RALGPS2: variants seen among roughly 807,000 people sequenced by gnomAD.
The protein encoded by RALGPS2 is Ral GEF with PH domain and SH3 binding motif 2.
In RALGPS2, 43 loss-of-function variants were observed where a neutral mutation model predicts 86.8. The observed-to-expected ratio is 0.50, with a 90% CI of 0.39 to 0.64. The LOEUF (loss-of-function observed/expected upper bound fraction) is 0.64, where lower values mean the gene tolerates loss of function less well. Ranked by LOEUF, RALGPS2 falls within the 30% of genes least tolerant of loss-of-function variation. The probability of loss-of-function intolerance (pLI) is 0.00; values close to 1 mark genes in which losing one functional copy is unlikely to be tolerated. For missense variants in RALGPS2, 536 were observed against 694.6 expected, an observed-to-expected ratio of 0.77 and a Z score of 2.57; for synonymous variants, 243 against 231.3, an observed-to-expected ratio of 1.05 and a Z score of -0.46.
chr1:178,781,590 C>T (rs1653398683), intron 2 of RALGPS2, among the ~76,000 whole-genome samples: 1 of 152,196 alleles, frequency 6.6e-6, no homozygotes, highest in East Asian at 1.9e-4. Flanking sequence ...ATTTTTAAGC[C>T]TCTAATGGCC....
chr1:178,858,142 A>G (rs1178957922), intron 8 of RALGPS2, among the ~76,000 whole-genome samples: 1 of 152,132 alleles, frequency 6.6e-6, no homozygotes, highest in Non-Finnish European at 1.5e-5. Context: ...TTTTCTCCTC[A>G]GTAAAGATAT....
intron 6 of RALGPS2, among the ~76,000 whole-genome samples, chr1:178,811,698 T>C (rs1324195416): frequency 6.6e-6 from 1 of 152,190 alleles, no homozygotes; most frequent in Non-Finnish European, 1.5e-5. Context: ...ATGATATTTA[T>C]AAAATATTGG....
intron 18 of RALGPS2, among the ~76,000 whole-genome samples, chr1:178,905,940 G>A (rs986891664): frequency 3.9e-5 from 6 of 152,090 alleles, no homozygotes; most frequent in Admixed American, 1.3e-4. Context: ...TAATAATATT[G>A]ACAAATATCT....
intron 6 of RALGPS2, 72 bp from the exon 7 acceptor site, chr1:178,821,540 G>A: frequency 1.1e-5 from 13 of 1,145,962 alleles, no homozygotes. Context: ...GATTGTACTT[G>A]TTAGTCTAAA....
intron 17 of RALGPS2, 44 bp from the exon 18 acceptor site, chr1:178,902,062 A>C: frequency 6.9e-7 from 1 of 1,442,808 alleles, no homozygotes; most frequent in South Asian, 1.2e-5. Context: ...GCTAGAATAA[A>C]CCATAAATTT....
intron 7 of RALGPS2, among the ~76,000 whole-genome samples, chr1:178,831,451 A>G (rs912595923): frequency 6.6e-6 from 1 of 152,074 alleles, no homozygotes; most frequent in Non-Finnish European, 1.5e-5. Context: ...TTTTCCCCCA[A>G]AACAGATTGT....
chr1:178,912,698 A>G (rs1259028394), intron 19 of RALGPS2, among the ~76,000 whole-genome samples: 1 of 151,996 alleles, frequency 6.6e-6, no homozygotes, highest in African/African-American at 2.4e-5. Flanking sequence ...GGGAGTCTGA[A>G]TTTCTTGAGT....
chr1:178,833,315 A>C, intron 7 of RALGPS2, 109 bp from the exon 8 acceptor site: 1 of 1,041,098 alleles, frequency 9.6e-7, no homozygotes, highest in Non-Finnish European at 1.3e-6. Flanking sequence ...AAGAAGATAT[A>C]ACTTTGAAAT....
chr1:178,907,576 T>TA (rs2102413885), intron 19 of RALGPS2, among the ~76,000 whole-genome samples: 1 of 152,286 alleles, frequency 6.6e-6, no homozygotes, highest in African/African-American at 2.4e-5. Context: ...GTTGCACAGT[T>TA]AGAGTTGAAC....
intron 6 of RALGPS2, among the ~76,000 whole-genome samples, chr1:178,812,208 G>A (rs539900652): frequency 6.6e-6 from 1 of 152,194 alleles, no homozygotes; most frequent in South Asian, 2.1e-4. Flanking sequence ...GGGGGAGGGG[G>A]TACATAAGAG....
chr1:178,728,790 G>A (rs1359294716), intron 1 of RALGPS2, among the ~76,000 whole-genome samples: 1 of 151,912 alleles, frequency 6.6e-6, no homozygotes, highest in Non-Finnish European at 1.5e-5. Flanking sequence ...ATCTTTTTTG[G>A]TTTAATGTCT....
At chr1:178,892,455 A>G (rs1659756966) in intron 15 of RALGPS2, 148 bp downstream of exon 15, 1 of 655,462 alleles carries the variant, frequency 1.5e-6, no homozygotes, top group South Asian at 2.0e-5. Flanking sequence ...TTTCTTTCCA[A>G]GATCTAATAT....
intron 1 of RALGPS2, among the ~76,000 whole-genome samples, chr1:178,743,053 A>G (rs2102025739): frequency 6.6e-6 from 1 of 152,242 alleles, no homozygotes. Context: ...CTGTCTTTAC[A>G]AACATTTTTT....
chr1:178,889,506 T>C lies in RALGPS2; in HGVS notation c.1193-136T>C, dbSNP rs577785439. ...ACAGCAGTAATATTAGAATAAAGAA[T>C]TAATATGTGGATATGTTCATCTACA... On this transcript the variant is annotated intron_variant, in intron 13 of 19. Transcript: ENST00000367635. 6.2e-6 allele frequency: 4 copies of C among 647,920 alleles called. No individual in the cohort carries two copies. The South Asian group carries it at 7.6e-5, about 12-fold the overall frequency. 40.1% of individuals were successfully genotyped at this position (647,920 alleles called of 1,614,324 possible).
At chr1:178,736,233 G>A (rs116901590) in intron 1 of RALGPS2, among the ~76,000 whole-genome samples, 1 of 149,254 alleles carries the variant, frequency 6.7e-6, no homozygotes, top group African/African-American at 2.5e-5. Flanking sequence ...TGGTGATCTC[G>A]GCTCACTGCA....
chr1:178,881,169 A>G (rs954728571), intron 10 of RALGPS2, among the ~76,000 whole-genome samples: 1 of 152,226 alleles, frequency 6.6e-6, no homozygotes, highest in Non-Finnish European at 1.5e-5. Flanking sequence ...AAACAGAACC[A>G]TAATAAAGAT....
rs140323337 is a variant in RALGPS2, at chr1:178,865,040, G to A, written c.608-12458G>A. ...ATCAGGTGGTGGCATTAAATCTCTGGGATAACCTGGATCCCTCTGAATCTC... is the reference window on the plus strand; with the variant it reads ...ATCAGGTGGTGGCATTAAATCTCTGAGATAACCTGGATCCCTCTGAATCTC... On this transcript the variant is annotated intron_variant, in intron 8 of 19. Transcript: ENST00000367635. 2.7e-6 allele frequency: 4 copies of A among 1,496,132 alleles called. No individual in the cohort carries two copies. In the African/African-American group the frequency reaches 5.6e-5, roughly 21 times the overall value. 92.7% of individuals were successfully genotyped at this position (1,496,132 alleles called of 1,614,324 possible).
intron 13 of RALGPS2, among the ~76,000 whole-genome samples, 169 bp from the exon 14 acceptor site, chr1:178,889,473 T>C (rs1055800944): frequency 5.3e-5 from 8 of 152,030 alleles, no homozygotes; most frequent in Non-Finnish European, 1.0e-4. Flanking sequence ...TATTGCAAAA[T>C]AAACCTAACA....
intron 18 of RALGPS2, among the ~76,000 whole-genome samples, chr1:178,903,011 C>T (rs1660241627): frequency 2.0e-5 from 3 of 152,090 alleles, no homozygotes; most frequent in African/African-American, 7.2e-5. Flanking sequence ...GTTCTTCTTA[C>T]TCTACCTGTG....
Sources: gnomAD v4.1 joint callset for allele counts (sites outside exome capture counted in the v4.1 genomes callset) on GRCh38, gnomAD v4.1.1 for gene constraint, MANE v1.5 for transcripts, NCBI Gene and HGNC (gene_info 2026-07-23, HGNC 2026-07-21) for gene names.